CUL9: variants seen among roughly 807,000 people sequenced by gnomAD.
CUL9 encodes the protein cullin-9.
CUL9 carries 79 observed loss-of-function variants against 272.6 expected under a neutral mutation model. The ratio of observed to expected loss-of-function variants is 0.29; its 90% confidence interval spans 0.24 to 0.35. The LOEUF (loss-of-function observed/expected upper bound fraction) is 0.35, where lower values mean the gene tolerates loss of function less well. Among genes scored for constraint, CUL9 ranks in the 10% least tolerant of loss-of-function variants. CUL9 has a pLI of 1.00. For missense variants in CUL9, 2,532 were observed against 3,255.6 expected (o/e 0.78, Z 5.41); for synonymous variants, 1,186 against 1,286.5 (o/e 0.92, Z 1.67).
intron 35 of CUL9, chr6:43,222,050 G>A: frequency 1.7e-6 from 1 of 596,638 alleles, no homozygotes; most frequent in South Asian, 2.0e-5. Context: ...CAGCAGGGCA[G>A]AGCAGGAAAG....
chr6:43,196,436 T>A (rs1444442721), intron 10 of CUL9, 171 bp downstream of exon 10: 11 of 783,658 alleles, frequency 1.4e-5, no homozygotes, highest in Non-Finnish European at 2.2e-5. Flanking sequence ...GGATTGGGGA[T>A]AGGGAGATTC....
At position 43,200,779 on chromosome 6, in the gene CUL9, G is replaced by A; in HGVS notation, c.3592G>A (p.Gly1198Ser). 5 of 1,614,172 alleles carry A rather than the reference G, an allele frequency of 3.1e-6. No individual in the cohort carries two copies. The highest frequency in any genetic ancestry group is 2.5e-6 in the Non-Finnish European group (3 of 1,180,034). Residue 1198 changes from glycine to serine, a missense_variant, in exon 16 of 41, where the codon GGC becomes AGC. Transcript: ENST00000252050. The surrounding 1 kb of genome is among the most constrained non-coding windows in gnomAD (Gnocchi z 4.0). ...HNPKTYWESN[G>S]STGSHYITLH... ...CCCCAAGACCTACTGGGAGTCCAAC[G>A]GCAGCACCGGCTCCCACTACATCAC...
rs772820765 is a variant in CUL9, at chr6:43,204,821, C to T, written c.4413C>T (p.Asn1471=). ...TGCTTCCAAGCAGCAGCCTGAGGAACATAACCCAGTGCTGGCTGAGCGTGG... is the reference window on the plus strand; with the variant it reads ...TGCTTCCAAGCAGCAGCCTGAGGAATATAACCCAGTGCTGGCTGAGCGTGG... ...SPVLPSSSLR[N]ITQCWLSVVQ... Residue 1471 remains asparagine (N), a synonymous_variant, in exon 22 of 41, where the codon AAC becomes AAT. Coordinates refer to ENST00000252050, the MANE Select transcript of CUL9 (RefSeq NM_015089.4). The T allele has an allele frequency of 5.1e-5, 83 of 1,614,118 alleles. No homozygotes were observed. The highest frequency in any genetic ancestry group is 6.9e-5 in the Non-Finnish European group (81 of 1,180,050).
chr6:43,200,398 TCTC>T lies in CUL9; in HGVS notation c.3385-34_3385-32del. 1 of 1,614,014 alleles carries T rather than the reference TCTC, an allele frequency of 6.2e-7. No individual in the cohort carries two copies. The highest frequency in any genetic ancestry group is 1.1e-5 in the South Asian group (1 of 91,064). ...CTGGGCATTTCTCTGTGTTCCTCCC[TCTC>T]CTCTTCCTCATTCTCCCTGATGTTC... On this transcript the variant is annotated intron_variant, in intron 14 of 40. Coordinates refer to ENST00000252050, the MANE Select transcript of CUL9 (RefSeq NM_015089.4). This position sits in a 1 kb window ranked among gnomAD's most constrained non-coding sequence, Gnocchi z 4.0.
At chr6:43,217,155 AG>A (rs1776006690) in intron 31 of CUL9, among the ~76,000 whole-genome samples, 1 of 152,196 alleles carries the variant, frequency 6.6e-6, no homozygotes, top group African/African-American at 2.4e-5. Flanking sequence ...CAGGAGTTCG[AG>A]ACCAGCCTGG....
chr6:43,200,496 T>G lies in CUL9; in HGVS notation c.3445T>G (p.Phe1149Val). 6.2e-7 allele frequency: 1 copy of G among 1,614,202 alleles called. No individual in the cohort carries two copies. Among genetic ancestry groups the G allele is most frequent in the Non-Finnish European group, 8.5e-7 (1 of 1,180,038 alleles). Residue 1149 changes from phenylalanine to valine, a missense_variant, in exon 15 of 41, where the codon TTT (phenylalanine) becomes GTT (valine). Physicochemically the swap from Phe to Val is conservative, Grantham distance 50 (BLOSUM62 -1). Coordinates refer to ENST00000252050, the MANE Select transcript of CUL9 (RefSeq NM_015089.4). The surrounding 1 kb of genome is among the most constrained non-coding windows in gnomAD (Gnocchi z 4.0). The part of the protein sequence containing the change: ...RTHQPINIPF[F>V]DVFLRHLCQG... Reference sequence around the variant, plus strand: ...CCACCAACCCATCAATATCCCCTTCTTTGATGTGTTCCTCAGGCATCTCTG... The same window carrying G: ...CCACCAACCCATCAATATCCCCTTCGTTGATGTGTTCCTCAGGCATCTCTG...
rs908625651 is a variant in CUL9 at position 43,203,663 on chromosome 6, G to A, written c.4025+71G>A. The A allele has an allele frequency of 3.9e-5, 61 of 1,545,368 alleles. No homozygotes were observed. In the African/African-American group the frequency reaches 6.1e-4, roughly 16 times the overall value. On this transcript the variant is annotated intron_variant, in intron 19 of 40. Coordinates refer to ENST00000252050, the MANE Select transcript of CUL9 (RefSeq NM_015089.4). This position sits in a 1 kb window ranked among gnomAD's most constrained non-coding sequence, Gnocchi z 5.0. ...TGTGAGAAGTAGGAGGGATGCTCCTGTGGGAGTCCGGAAGGGAAAGCTGCA... is the reference window on the plus strand; with the variant it reads ...TGTGAGAAGTAGGAGGGATGCTCCTATGGGAGTCCGGAAGGGAAAGCTGCA...
At position 43,193,065 on chromosome 6, in the gene CUL9, G is replaced by C. The variant is rs376469889; in HGVS notation, c.2245G>C (p.Val749Leu). The change falls in exon 9 of 41, where the codon GTG (valine) becomes CTG (leucine). Residue 749 changes from valine to leucine, a missense_variant. This residue lies in a region of CUL9 where 2,218 missense variants were observed against 2,788.6 expected (regional missense o/e 0.80). Transcript: ENST00000252050. ...TNQVGEKMVV[V>L]QALRLLYLLM... ...CCAGGTGGGAGAGAAGATGGTGGTCGTGCAGGCCCTGCGCCTCCTTTACCT... is the reference window on the plus strand; with the variant it reads ...CCAGGTGGGAGAGAAGATGGTGGTCCTGCAGGCCCTGCGCCTCCTTTACCT... 2 of 1,614,226 alleles carry C rather than the reference G, an allele frequency of 1.2e-6. No homozygotes were observed. The highest frequency in any genetic ancestry group is 1.3e-5 in the African/African-American group (1 of 75,068).
chr6:43,184,689 G>A lies in CUL9; in HGVS notation c.379G>A (p.Ala127Thr). The change falls in exon 2 of 41, where the codon GCC becomes ACC. Residue 127 changes from alanine (A) to threonine (T), a missense_variant. Physicochemically the swap from Ala to Thr is moderately conservative, Grantham distance 58. Around this residue, in one of 3 missense-constraint regions of CUL9, gnomAD observed 2,218 missense variants for 2,788.6 expected, o/e 0.80. Transcript: ENST00000252050. The surrounding 1 kb of genome is among the most constrained non-coding windows in gnomAD (Gnocchi z 4.8). ...TGTTCAGGCGCTGGTACGCAGGGCG[G>A]CCAGGCAGCTGGCAGAAAGTGGGAC... ...ADVQALVRRAARQLAESGTPS... is the reference protein window; with the variant it reads ...ADVQALVRRATRQLAESGTPS... The A allele has an allele frequency of 6.2e-7, 1 of 1,613,188 alleles. No individual in the cohort carries two copies. Among genetic ancestry groups the A allele is most frequent in the Non-Finnish European group, 8.5e-7 (1 of 1,179,176 alleles).
chr6:43,213,376 A>G lies in CUL9; in HGVS notation c.5359-62A>G. ...TCCTCCTAAACCCTGTTCCTCCTTCATCCTTACTCCCCTCTTCCTTTTCTT... is the reference window on the plus strand; with the variant it reads ...TCCTCCTAAACCCTGTTCCTCCTTCGTCCTTACTCCCCTCTTCCTTTTCTT... On this transcript the variant is annotated intron_variant, in intron 27 of 40. Transcript: ENST00000252050. The surrounding 1 kb of genome is among the most constrained non-coding windows in gnomAD (Gnocchi z 5.7). 2 of 1,610,084 alleles carry G rather than the reference A, an allele frequency of 1.2e-6. No homozygotes were observed. The highest frequency in any genetic ancestry group is 1.7e-6 in the Non-Finnish European group (2 of 1,177,206).
chr6:43,219,853 T>G (rs1264665023), intron 31 of CUL9, among the ~76,000 whole-genome samples: 1 of 152,002 alleles, frequency 6.6e-6, no homozygotes, highest in East Asian at 1.9e-4. Flanking sequence ...TGGCCTGATT[T>G]AGGATGGGGG....
chr6:43,200,917 A>C lies in CUL9; in HGVS notation c.3647+83A>C. ...CCAGATACACACAACCCCAGCTATA[A>C]CCCCAATGCCTGAGGGACACACTCA... On this transcript the variant is annotated intron_variant, in intron 16 of 40. Coordinates refer to ENST00000252050, the MANE Select transcript of CUL9 (RefSeq NM_015089.4). The surrounding 1 kb of genome is among the most constrained non-coding windows in gnomAD (Gnocchi z 4.0). 2 of 1,547,710 alleles carry C rather than the reference A, an allele frequency of 1.3e-6. No homozygotes were observed. Among genetic ancestry groups the C allele is most frequent in the Non-Finnish European group, 1.8e-6 (2 of 1,126,572 alleles).
At chr6:43,185,809 A>T in intron 3 of CUL9, 146 bp from the exon 4 acceptor site, 1 of 1,202,800 alleles carries the variant, frequency 8.3e-7, no homozygotes, top group South Asian at 1.6e-5. Flanking sequence ...GACACTCCCT[A>T]TGCCTTTCTT....
Position 43,200,238 on chromosome 6 carries a change from A to G in CUL9, c.3384+82A>G. On this transcript the variant is annotated intron_variant, in intron 14 of 40. Transcript: ENST00000252050. The surrounding 1 kb of genome is among the most constrained non-coding windows in gnomAD (Gnocchi z 4.0). ...GGGATTCACTGTGTTCCTCTTTGGTATCCCTGTTTGGCACAGGTTGTAGCA... is the reference window on the plus strand; with the variant it reads ...GGGATTCACTGTGTTCCTCTTTGGTGTCCCTGTTTGGCACAGGTTGTAGCA... 6.8e-7 allele frequency: 1 copy of G among 1,470,932 alleles called. No individual in the cohort carries two copies. Among genetic ancestry groups the G allele is most frequent in the Non-Finnish European group, 9.4e-7 (1 of 1,068,946 alleles). The allele number at this position is 1,470,932 out of a possible 1,614,324, so 91.1% of individuals were successfully genotyped here.
At chr6:43,215,462 T>C (rs1256554126) in intron 30 of CUL9, 136 bp downstream of exon 30, 12 of 1,328,114 alleles carry the variant, frequency 9.0e-6, no homozygotes, top group African/African-American at 1.5e-5. Context: ...TCCCTGACTT[T>C]GGTAGTTTTT....
In CUL9 at chr6:43,206,192, T is replaced by C; in HGVS notation, c.4979T>C (p.Leu1660Ser). Residue 1660 changes from leucine (L) to serine (S), a missense_variant, in exon 25 of 41, where the codon TTG becomes TCG. Around this residue, in one of 3 missense-constraint regions of CUL9, gnomAD observed 2,218 missense variants for 2,788.6 expected, o/e 0.80. Coordinates refer to ENST00000252050, the MANE Select transcript of CUL9 (RefSeq NM_015089.4). The surrounding 1 kb of genome is among the most constrained non-coding windows in gnomAD (Gnocchi z 4.8). ...FQLQRLDKLF[L>S]EQEDEEEKRL... Reference sequence around the variant, plus strand: ...CTCCAGCGGCTCGACAAGTTGTTCTTGGAGCAGGAAGATGAGGAGGAAAAG... The same window carrying C: ...CTCCAGCGGCTCGACAAGTTGTTCTCGGAGCAGGAAGATGAGGAGGAAAAG... 2 of 1,612,874 alleles carry C rather than the reference T, an allele frequency of 1.2e-6. No individual in the cohort carries two copies. Among genetic ancestry groups the C allele is most frequent in the Non-Finnish European group, 1.7e-6 (2 of 1,179,510 alleles).
chr6:43,202,945 T>C, intron 17 of CUL9, 124 bp downstream of exon 17: 1 of 1,225,158 alleles, frequency 8.2e-7, no homozygotes, highest in Non-Finnish European at 1.2e-6. Flanking sequence ...TGTTGCCTTG[T>C]AAGCAGTGAG....
Position 43,221,214 on chromosome 6 carries a change from C to A in CUL9, c.6645C>A (p.Tyr2215Ter). 1 of 1,611,760 alleles carries A rather than the reference C, an allele frequency of 6.2e-7. No individual in the cohort carries two copies. Among genetic ancestry groups the A allele is most frequent in the East Asian group, 2.2e-5 (1 of 44,862 alleles). ...HMSQWVDDGG[Y>*]YDGMSVEAQS... ...CTCAGTGGGTCGACGACGGTGGCTA[C>A]TATGACGGCATGAGCGTGGAGGCGC... Residue 2215 changes from tyrosine to a stop codon, truncating the protein, a stop_gained, in exon 34 of 41, where the codon TAC becomes TAA. Coordinates refer to ENST00000252050, the MANE Select transcript of CUL9 (RefSeq NM_015089.4). LOFTEE classifies it high-confidence loss of function. This position sits in a 1 kb window ranked among gnomAD's most constrained non-coding sequence, Gnocchi z 4.2.
chr6:43,202,658 G>T, intron 16 of CUL9, 58 bp from the exon 17 acceptor site: 1 of 1,472,918 alleles, frequency 6.8e-7, no homozygotes, highest in Non-Finnish European at 9.5e-7. Context: ...TGGGATTACA[G>T]ATGTGAGCCA....
Sources: allele counts gnomAD v4.1 joint callset (sites outside exome capture counted in the v4.1 genomes callset), GRCh38; gene constraint gnomAD v4.1.1; regional missense constraint gnomAD v4.1.1; non-coding constraint Gnocchi (gnomAD v3.1); transcripts MANE v1.5; gene names NCBI Gene and HGNC (gene_info 2026-07-23, HGNC 2026-07-21).